The following PGLYRP3 variants were observed in gnomAD, a reference collection of about 807,000 sequenced individuals.
PGLYRP3 encodes the protein peptidoglycan recognition protein I alpha.
PGLYRP3 carries 39 observed loss-of-function variants against 36.0 expected under a neutral mutation model. That is an observed-to-expected ratio of 1.08 (90% CI 0.84 to 1.41). PGLYRP3 has a LOEUF of 1.41. PGLYRP3 is among the 40% of genes most tolerant of loss of function. The probability of loss-of-function intolerance (pLI) is 0.00; values close to 1 mark genes in which losing one functional copy is unlikely to be tolerated. For synonymous variants in PGLYRP3, 204 were observed against 172.8 expected (o/e 1.18, Z -1.42); for missense variants, 407 against 427.9 (o/e 0.95, Z 0.43).
chr1:153,299,442 C>T (rs1659531783), intron 6 of PGLYRP3, among the ~76,000 whole-genome samples: 1 of 152,184 alleles, frequency 6.6e-6, no homozygotes, highest in Admixed American at 6.5e-5. Context: ...TCCCATCACA[C>T]CACTAAATCT....
chr1:153,309,418 C>G (rs968947371), intron 2 of PGLYRP3, among the ~76,000 whole-genome samples: 2 of 152,206 alleles, frequency 1.3e-5, no homozygotes, highest in Admixed American at 1.3e-4. Flanking sequence ...GGCCCCGAAG[C>G]CCCTGTTCAT....
chr1:153,306,449 G>A (rs1032350108), intron 3 of PGLYRP3, among the ~76,000 whole-genome samples: 3 of 152,098 alleles, frequency 2.0e-5, no homozygotes, highest in Non-Finnish European at 4.4e-5. Flanking sequence ...TGTTTCTTGC[G>A]GGTCTCTCCT....
intron 5 of PGLYRP3, 152 bp downstream of exon 5, chr1:153,303,705 C>T: frequency 3.3e-6 from 3 of 901,528 alleles, no homozygotes; most frequent in Non-Finnish European, 4.9e-6. Flanking sequence ...GGAAGATGCC[C>T]TCTCAGAATT....
Position 153,307,179 on chromosome 1 carries a change from G to A in PGLYRP3, c.144C>T (p.Ile48=). ...ACTGCATCCCTGGGAGCTGGTCTGT[G>A]ATGATGTAGGCCACAGGCAGGGTCA... The part of the protein sequence containing the change: ...ALLTLPVAYI[I]TDQLPGMQCQ... The change falls in exon 3 of 8, where the codon ATC becomes ATT. Residue 48 remains isoleucine, a synonymous_variant. Transcript: ENST00000683862. 1.2e-6 allele frequency: 2 copies of A among 1,612,266 alleles called. No homozygotes were observed. Among genetic ancestry groups the A allele is most frequent in the South Asian group, 1.1e-5 (1 of 90,538 alleles).
intron 4 of PGLYRP3, 67 bp downstream of exon 4, chr1:153,304,880 C>A: frequency 8.4e-7 from 1 of 1,197,192 alleles, no homozygotes; most frequent in South Asian, 1.4e-5. Flanking sequence ...GAGTGTTGAC[C>A]CTTGGGAGTG....
chr1:153,307,074 C>T lies in PGLYRP3; in HGVS notation c.249G>A (p.Val83=). The part of the protein sequence containing the change: ...HSVYTIGWCD[V]AYNFLVGDDG... ...CTTGGCTAGCCTCTTACTTGTACGC[C>T]ACGTCGCACCAGCCTATGGTGTAGA... The change falls in exon 3 of 8, where the codon GTG becomes GTA. Residue 83 remains valine, a synonymous_variant. Coordinates refer to ENST00000683862, the MANE Select transcript of PGLYRP3 (RefSeq NM_052891.3). 6.2e-7 allele frequency: 1 copy of T among 1,613,582 alleles called. No homozygotes were observed. The highest frequency in any genetic ancestry group is 8.5e-7 in the Non-Finnish European group (1 of 1,179,808).
rs1659484466 is a variant in PGLYRP3, at chr1:153,298,023, A to G, written c.959T>C (p.Val320Ala). 2.5e-6 allele frequency: 4 copies of G among 1,614,044 alleles called. No individual in the cohort carries two copies. The highest frequency in any genetic ancestry group is 3.4e-6 in the Non-Finnish European group (4 of 1,180,002). ...NYLLMGHSDV[V>A]NILSPGQALY... is the part of the protein sequence containing the mutation. ...AGCCTGCCCAGGGGACAGGATGTTG[A>G]CCACGTCACTGTGGCCCATCAGCAG... Residue 320 changes from valine to alanine, a missense_variant, in exon 8 of 8, where the codon GTC becomes GCC. Coordinates refer to ENST00000683862, the MANE Select transcript of PGLYRP3 (RefSeq NM_052891.3).
At chr1:153,309,524 C>T (rs1659844934) in intron 2 of PGLYRP3, among the ~76,000 whole-genome samples, 1 of 152,222 alleles carries the variant, frequency 6.6e-6, no homozygotes, top group Admixed American at 6.5e-5. Context: ...AAGACAAAGT[C>T]ACTGAGGGTC....
At chr1:153,298,497 A>T (rs1659500135) in intron 7 of PGLYRP3, among the ~76,000 whole-genome samples, 1 of 152,042 alleles carries the variant, frequency 6.6e-6, no homozygotes, top group Admixed American at 6.5e-5. Context: ...TACTAAAAAT[A>T]CAAAAAAATT....
chr1:153,311,017 A>G (rs547102770), intron 1 of PGLYRP3, among the ~76,000 whole-genome samples: 17 of 152,146 alleles, frequency 1.1e-4, no homozygotes, highest in African/African-American at 4.1e-4. Flanking sequence ...AAAATCCTCA[A>G]GGTAGCTGTT....
chr1:153,306,950 T>C, intron 3 of PGLYRP3, 116 bp downstream of exon 3: 1 of 1,009,884 alleles, frequency 9.9e-7, no homozygotes. Flanking sequence ...ACCATTTCTA[T>C]TCATTACAAA....
chr1:153,311,951 A>G (rs1023525156), intron 1 of PGLYRP3, among the ~76,000 whole-genome samples: 5 of 152,320 alleles, frequency 3.3e-5, no homozygotes, highest in African/African-American at 1.2e-4. Flanking sequence ...AAATATAAGG[A>G]AAAATGTTCA....
Position 153,302,608 on chromosome 1 carries a change from C to G in PGLYRP3, c.530-1G>C. 1 of 1,613,968 alleles carries G rather than the reference C, an allele frequency of 6.2e-7. No individual in the cohort carries two copies. The highest frequency in any genetic ancestry group is 8.5e-7 in the Non-Finnish European group (1 of 1,180,010). Reference sequence around the variant, plus strand: ...GATCGTTTGATGATGTTGGGGCAAACTGTGGTAAAATGAAAAGCCAAGGAA... The same window carrying G: ...GATCGTTTGATGATGTTGGGGCAAAGTGTGGTAAAATGAAAAGCCAAGGAA... On this transcript the variant is annotated splice_acceptor_variant, in intron 5 of 7. Transcript: ENST00000683862. LOFTEE classifies it high-confidence loss of function.
chr1:153,306,254 G>T (rs1272745513), intron 3 of PGLYRP3, among the ~76,000 whole-genome samples: 1 of 152,218 alleles, frequency 6.6e-6, no homozygotes, highest in African/African-American at 2.4e-5. Context: ...GGATAATTCA[G>T]AAATTATTTA....
chr1:153,298,201 C>G (rs1659490548), intron 7 of PGLYRP3, 67 bp from the exon 8 acceptor site: 1 of 1,528,968 alleles, frequency 6.5e-7, no homozygotes, highest in Non-Finnish European at 8.9e-7. Flanking sequence ...AAGGGACAAG[C>G]ACCTAGATTC....
At chr1:153,308,513 T>C (rs1333808740) in intron 2 of PGLYRP3, among the ~76,000 whole-genome samples, 1 of 152,194 alleles carries the variant, frequency 6.6e-6, no homozygotes, top group Non-Finnish European at 1.5e-5. Flanking sequence ...CGCCTCACCA[T>C]TGCGACCCTT....
intron 4 of PGLYRP3, 32 bp downstream of exon 4, chr1:153,304,915 C>A: frequency 1.3e-6 from 2 of 1,560,708 alleles, no homozygotes; most frequent in Non-Finnish European, 1.8e-6. Context: ...ACACAACTCT[C>A]CAGCACAGGG....
At position 153,303,894 on chromosome 1, in the gene PGLYRP3, G is replaced by T. The variant is rs1490629098; in HGVS notation, c.492C>A (p.Thr164=). ...YIQPLLLKEE[T]CLDPQHPVMP... The stretch of plus-strand genomic sequence containing the variant: ...TCACTGGATGTTGAGGGTCCAGGCA[G>T]GTCTCTTCTTTCAGAAGAAGTGGCT... Residue 164 remains threonine, a synonymous_variant, in exon 5 of 8, where the codon ACC becomes ACA. Transcript: ENST00000683862. 1.9e-6 allele frequency: 3 copies of T among 1,613,890 alleles called. No homozygotes were observed. In the Admixed American group the frequency reaches 5.0e-5, roughly 27 times the overall value.
intron 4 of PGLYRP3, 96 bp from the exon 5 acceptor site, chr1:153,304,105 A>G: frequency 8.2e-7 from 1 of 1,216,280 alleles, no homozygotes; most frequent in Non-Finnish European, 1.1e-6. Flanking sequence ...TTGAGCCTGA[A>G]TAACTGGATT....
Sources: gnomAD v4.1 joint callset for allele counts (sites outside exome capture counted in the v4.1 genomes callset) on GRCh38, gnomAD v4.1.1 for gene constraint, MANE v1.5 for transcripts, NCBI Gene and HGNC (gene_info 2026-07-23, HGNC 2026-07-21) for gene names.